Variants in SNTG2 observed in about 807,000 individuals in gnomAD.
The protein encoded by SNTG2 is syntrophin gamma 2, also known as gamma-2-syntrophin.
A neutral mutation model predicts 70.9 loss-of-function variants in SNTG2; 74 were observed. That is an observed-to-expected ratio of 1.04 (90% CI 0.86 to 1.27). SNTG2 has a LOEUF of 1.27. SNTG2 is among the 50% of genes most tolerant of loss of function. The pLI is 0.00. For synonymous variants in SNTG2, 278 were observed against 273.8 expected (o/e 1.02, Z -0.15); for missense variants, 717 against 690.7 (o/e 1.04, Z -0.43).
chr2:1,113,761 G>A (rs1310654954), intron 4 of SNTG2, among the ~76,000 whole-genome samples: 2 of 149,614 alleles, frequency 1.3e-5, no homozygotes, highest in Non-Finnish European at 3.0e-5. Context: ...TGTGTACTAA[G>A]TGAAATTTAA....
At chr2:1,096,486 C>G (rs1039679701) in intron 2 of SNTG2, among the ~76,000 whole-genome samples, 3 of 152,116 alleles carry the variant, frequency 2.0e-5, no homozygotes, top group Non-Finnish European at 4.4e-5. Context: ...CCTCCGCCCC[C>G]CAACCCTGAA....
chr2:1,280,248 T>C (rs7424980), intron 14 of SNTG2, among the ~76,000 whole-genome samples: 68,188 of 151,968 alleles, frequency 0.45, 15,549 homozygotes, highest in Middle Eastern at 0.57. Context: ...TTAGAGTAGA[T>C]TTATGGGGTC....
At chr2:1,366,889 G>A (rs1032625386) in intron 16 of SNTG2, among the ~76,000 whole-genome samples, 3 of 152,180 alleles carry the variant, frequency 2.0e-5, no homozygotes, top group Non-Finnish European at 4.4e-5. Flanking sequence ...AAGGCACGGC[G>A]GCCTGAGACA....
At chr2:1,318,647 G>T (rs138847196) in intron 16 of SNTG2, among the ~76,000 whole-genome samples, 1 of 152,246 alleles carries the variant, frequency 6.6e-6, no homozygotes, top group African/African-American at 2.4e-5. Flanking sequence ...TGGGAACGCG[G>T]AGAGAGAGGC....
chr2:1,126,762 T>G (rs4321400), intron 4 of SNTG2, among the ~76,000 whole-genome samples: 90,396 of 152,046 alleles, frequency 0.59, 27,597 homozygotes, highest in East Asian at 0.72. Flanking sequence ...TTAGTCATTT[T>G]TCTTCTTTTG....
chr2:1,204,082 AAACTAGTCTAT>A (rs1380784927), intron 8 of SNTG2, among the ~76,000 whole-genome samples: 1 of 152,194 alleles, frequency 6.6e-6, no homozygotes, highest in East Asian at 1.9e-4. Flanking sequence ...TAAAGCAGCA[AAACTAGTCTAT>A]AACAGCAGAA....
intron 1 of SNTG2, among the ~76,000 whole-genome samples, chr2:1,036,152 C>G (rs930429015): frequency 1.3e-5 from 2 of 152,102 alleles, no homozygotes; most frequent in Non-Finnish European, 2.9e-5. Flanking sequence ...TGACAGAACT[C>G]CTCATATATT....
At chr2:983,917 C>T (rs537017908) in intron 1 of SNTG2, among the ~76,000 whole-genome samples, 10 of 152,330 alleles carry the variant, frequency 6.6e-5, no homozygotes, top group East Asian at 1.9e-4. Flanking sequence ...TGGGAGAAGT[C>T]GGGCTCCACA....
chr2:1,211,934 T>C (rs1378536130), intron 9 of SNTG2, among the ~76,000 whole-genome samples: 1 of 152,172 alleles, frequency 6.6e-6, no homozygotes, highest in East Asian at 1.9e-4. Context: ...ACAAAATATT[T>C]TGACCCACTA....
chr2:1,229,154 C>G (rs1234279039), intron 9 of SNTG2, among the ~76,000 whole-genome samples: 1 of 152,278 alleles, frequency 6.6e-6, no homozygotes, highest in African/African-American at 2.4e-5. Flanking sequence ...GAGCGGGTTG[C>G]CACTGCTGGC....
chr2:1,008,776 A>G (rs1365664760), intron 1 of SNTG2, among the ~76,000 whole-genome samples: 1 of 152,220 alleles, frequency 6.6e-6, no homozygotes, highest in African/African-American at 2.4e-5. Context: ...GCTTTTCCAT[A>G]AAAATAAATA....
chr2:1,124,305 A>ATTTTTTTTT (rs763685919), intron 4 of SNTG2, among the ~76,000 whole-genome samples: 5 of 147,428 alleles, frequency 3.4e-5, no homozygotes, highest in African/African-American at 2.6e-5. Flanking sequence ...TCTTTTTTTA[A>ATTTTTTTTT]TTTTTCTCAG....
At chr2:1,314,390 C>T (rs990761106) in intron 15 of SNTG2, among the ~76,000 whole-genome samples, 3 of 152,240 alleles carry the variant, frequency 2.0e-5, no homozygotes, top group Non-Finnish European at 2.9e-5. Flanking sequence ...GCTGAAGTCA[C>T]AGCCTTCACT....
rs530401095 is a variant in SNTG2, at chr2:1,268,267, G to A, written c.1284+696G>A. On this transcript the variant is annotated intron_variant, in intron 14 of 16. Coordinates refer to ENST00000308624, the MANE Select transcript of SNTG2 (RefSeq NM_018968.4). ...CTTCACACCAAAGTCCAGGGCTCCCGCCTGGCTGAGCGCGGAGAATGCTGA... is the reference window on the plus strand; with the variant it reads ...CTTCACACCAAAGTCCAGGGCTCCCACCTGGCTGAGCGCGGAGAATGCTGA... Among the ~76,000 whole-genome samples the A allele has an allele frequency of 8.5e-5, 13 of 152,334 alleles. No individual in the cohort carries two copies. The East Asian group carries it at 9.6e-4, about 11-fold the overall frequency.
chr2:1,199,343 A>G (rs560526889), intron 8 of SNTG2, among the ~76,000 whole-genome samples: 7 of 152,068 alleles, frequency 4.6e-5, no homozygotes, highest in African/African-American at 1.7e-4. Context: ...GCTTTATGAT[A>G]AAAGTACTCA....
Position 1,267,290 on chromosome 2 carries a change from T to C in SNTG2, c.1078-75T>C, listed in dbSNP as rs1678791868. On this transcript the variant is annotated intron_variant, in intron 13 of 16. Transcript: ENST00000308624. Reference sequence around the variant, plus strand: ...CCCAGATCACGCAAACGCTGCCTTCTCCCCACACCAGGGCCCTCAGCATGG... The same window carrying C: ...CCCAGATCACGCAAACGCTGCCTTCCCCCCACACCAGGGCCCTCAGCATGG... 3 of 1,390,916 alleles carry C rather than the reference T, an allele frequency of 2.2e-6. No homozygotes were observed. In the South Asian group the frequency reaches 3.8e-5, roughly 18 times the overall value. 86.2% of individuals were successfully genotyped at this position (1,390,916 alleles called of 1,614,324 possible).
intron 14 of SNTG2, among the ~76,000 whole-genome samples, chr2:1,304,333 A>G (rs1680582901): frequency 2.0e-5 from 3 of 152,130 alleles, no homozygotes; most frequent in Admixed American, 2.0e-4. Context: ...AAATGAGCAA[A>G]TCAAAGGGGG....
chr2:954,389 GT>G (rs1660076319), intron 1 of SNTG2, among the ~76,000 whole-genome samples: 1 of 152,140 alleles, frequency 6.6e-6, no homozygotes, highest in Admixed American at 6.6e-5. Flanking sequence ...AGGTATTTTT[GT>G]TGAGTGAGAC....
intron 15 of SNTG2, among the ~76,000 whole-genome samples, chr2:1,315,298 G>A (rs960202321): frequency 5.3e-5 from 8 of 152,180 alleles, no homozygotes; most frequent in African/African-American, 9.7e-5. Flanking sequence ...ATGTGGCCAA[G>A]AATCTTGAGG....
Sources: allele counts gnomAD v4.1 joint callset (sites outside exome capture counted in the v4.1 genomes callset), GRCh38; gene constraint gnomAD v4.1.1; transcripts MANE v1.5; gene names NCBI Gene and HGNC (gene_info 2026-07-23, HGNC 2026-07-21).